TUSC3: variants seen among roughly 807,000 people sequenced by gnomAD.
TUSC3 encodes the protein tumor suppressor candidate 3.
In TUSC3, 45 loss-of-function variants were observed where a neutral mutation model predicts 44.8. The observed-to-expected ratio is 1.00, with a 90% CI of 0.79 to 1.29. The LOEUF (loss-of-function observed/expected upper bound fraction) is 1.29, where lower values mean the gene tolerates loss of function less well. TUSC3 is among the 50% of genes most tolerant of loss of function. The pLI is 0.00. For missense variants in TUSC3, 519 were observed against 437.9 expected (o/e 1.19, Z -1.65); for synonymous variants, 212 against 152.9 (o/e 1.39, Z -2.85).
chr8:15,629,827 T>C (rs1331202254), intron 2 of TUSC3, among the ~76,000 whole-genome samples: 1 of 152,138 alleles, frequency 6.6e-6, no homozygotes, highest in African/African-American at 2.4e-5. Context: ...GTGAATGAGC[T>C]TTTGGCTTCC....
intron 2 of TUSC3, among the ~76,000 whole-genome samples, chr8:15,638,061 T>C (rs1645632719): frequency 6.6e-6 from 1 of 152,174 alleles, no homozygotes; most frequent in Non-Finnish European, 1.5e-5. Context: ...CCTTTCTTTA[T>C]GTTCCACAGT....
At chr8:15,417,444 TGATTCATG>T (rs1362995852) in intron 1 of TUSC3, 1 of 152,248 alleles carries the variant, frequency 6.6e-6, no homozygotes, top group Non-Finnish European at 1.5e-5. Context: ...CTCAGTCTGA[TGATTCATG>T]GACTAAATGA....
chr8:15,763,063 T>C lies in TUSC3; in HGVS notation c.*47-1140T>C, dbSNP rs1276792312. On this transcript the variant is annotated intron_variant, in intron 10 of 10. Coordinates refer to ENST00000503731, the MANE Select transcript of TUSC3 (RefSeq NM_006765.4). ...AGCTAACAAGAGTAATTTTTCTAGTTTGTATTGTACTGTGACTTTATTTAC... is the reference window on the plus strand; with the variant it reads ...AGCTAACAAGAGTAATTTTTCTAGTCTGTATTGTACTGTGACTTTATTTAC... Among the ~76,000 whole-genome samples, 3 of 152,050 alleles carry C rather than the reference T, an allele frequency of 2.0e-5. No homozygotes were observed. In the East Asian group the frequency reaches 5.8e-4, roughly 29 times the overall value.
intron 10 of TUSC3, among the ~76,000 whole-genome samples, chr8:15,761,700 G>A (rs1388516678): frequency 1.3e-5 from 2 of 152,166 alleles, no homozygotes; most frequent in African/African-American, 2.4e-5. Flanking sequence ...ACCCAAGGCT[G>A]CTTCTCACTC....
the TUSC3 span, among the ~76,000 whole-genome samples, chr8:15,807,742 C>A: frequency 1.3e-5 from 2 of 152,060 alleles, no homozygotes; most frequent in Non-Finnish European, 2.9e-5. Flanking sequence ...GGCCATTATC[C>A]CAAACAAATT....
intron 1 of TUSC3, among the ~76,000 whole-genome samples, chr8:15,576,276 CTTG>C (rs1469339393): frequency 1.4e-3 from 136 of 100,062 alleles, no homozygotes; most frequent in African/African-American, 4.0e-3. Flanking sequence ...TCTTGGTCCT[CTTG>C]TTTTTTTTTT....
intron 2 of TUSC3, among the ~76,000 whole-genome samples, chr8:15,526,604 C>T (rs1287889463): frequency 6.6e-6 from 1 of 152,114 alleles, no homozygotes; most frequent in Non-Finnish European, 1.5e-5. Context: ...GGCTCTCATT[C>T]TCTCGTCTGC....
At chr8:15,674,043 T>C (rs1808075438) in intron 6 of TUSC3, among the ~76,000 whole-genome samples, 1 of 152,174 alleles carries the variant, frequency 6.6e-6, no homozygotes. Flanking sequence ...AGGGCTGCTT[T>C]AGTGTTGATT....
intron 6 of TUSC3, among the ~76,000 whole-genome samples, chr8:15,676,288 C>G (rs1328646080): frequency 6.6e-6 from 1 of 152,148 alleles, no homozygotes; most frequent in Non-Finnish European, 1.5e-5. Flanking sequence ...TCAGAAGTGT[C>G]TGTTCATGTC....
chr8:15,704,931 TA>T (rs1809556654), intron 6 of TUSC3, among the ~76,000 whole-genome samples: 1 of 135,402 alleles, frequency 7.4e-6, no homozygotes, highest in Non-Finnish European at 1.6e-5. Context: ...GCTTCTTTGT[TA>T]ATCCTGTATT....
intron 1 of TUSC3, among the ~76,000 whole-genome samples, chr8:15,424,698 G>A (rs1799782514): frequency 6.6e-6 from 1 of 152,074 alleles, no homozygotes; most frequent in Non-Finnish European, 1.5e-5. Flanking sequence ...GGCTAACACG[G>A]TGAAACCCCG....
intron 6 of TUSC3, among the ~76,000 whole-genome samples, chr8:15,677,277 G>T (rs1808233605): frequency 6.6e-6 from 1 of 152,134 alleles, no homozygotes; most frequent in Non-Finnish European, 1.5e-5. Context: ...TCGGATTACA[G>T]GCCTGAGCCA....
chr8:15,574,982 C>T (rs1417399640), intron 1 of TUSC3, among the ~76,000 whole-genome samples: 2 of 152,124 alleles, frequency 1.3e-5, no homozygotes, highest in Non-Finnish European at 1.5e-5. Flanking sequence ...GAGAGTTTAA[C>T]TTTGGGGTGG....
chr8:15,627,182 C>G (rs761805971), intron 2 of TUSC3, among the ~76,000 whole-genome samples: 4 of 152,190 alleles, frequency 2.6e-5, no homozygotes, highest in Non-Finnish European at 5.9e-5. Context: ...AGGGTCTCCT[C>G]TCTGCTGAGA....
At chr8:15,650,258 A>G (rs1445263241) in intron 2 of TUSC3, among the ~76,000 whole-genome samples, 2 of 152,222 alleles carry the variant, frequency 1.3e-5, no homozygotes, top group Non-Finnish European at 2.9e-5. Context: ...AGTTGCAAAT[A>G]TTCTTAAAAA....
chr8:15,609,064 A>G (rs1804652253), intron 1 of TUSC3, among the ~76,000 whole-genome samples: 5 of 152,130 alleles, frequency 3.3e-5, no homozygotes, highest in Admixed American at 3.3e-4. Flanking sequence ...GTTGGATTCT[A>G]TTGAATTTTT....
intron 2 of TUSC3, among the ~76,000 whole-genome samples, chr8:15,497,224 A>G (rs916199221): frequency 6.6e-6 from 1 of 152,178 alleles, no homozygotes; most frequent in Non-Finnish European, 1.5e-5. Context: ...TAAATGAACC[A>G]TGGGCATTTA....
chr8:15,573,200 C>A (rs866389888), intron 1 of TUSC3, among the ~76,000 whole-genome samples: 3,067 of 98,422 alleles, frequency 0.031, 58 homozygotes, highest in South Asian at 0.041. Flanking sequence ...CTCTCTCTCT[C>A]TCTATATATA....
chr8:15,734,262 G>T (rs1720611377), intron 7 of TUSC3, among the ~76,000 whole-genome samples: 1 of 152,134 alleles, frequency 6.6e-6, no homozygotes, highest in South Asian at 2.1e-4. Context: ...ATTATCAGAT[G>T]CAGTTGCTAT....
Sources: allele counts gnomAD v4.1 joint callset (sites outside exome capture counted in the v4.1 genomes callset), GRCh38; gene constraint gnomAD v4.1.1; transcripts MANE v1.5; gene names NCBI Gene and HGNC (gene_info 2026-07-23, HGNC 2026-07-21).